The following PPARGC1A variants were observed in gnomAD, a reference collection of about 807,000 sequenced individuals.
PPARGC1A encodes the protein PPARG coactivator 1 alpha.
In PPARGC1A, 25 loss-of-function variants were observed where a neutral mutation model predicts 88.7. The observed-to-expected ratio is 0.28, with a 90% confidence interval of 0.21 to 0.39. The LOEUF (loss-of-function observed/expected upper bound fraction) is 0.39, where lower values mean the gene tolerates loss of function less well. Among genes scored for constraint, PPARGC1A ranks in the 10% least tolerant of loss-of-function variants. The pLI is 1.00. For synonymous variants in PPARGC1A, 363 were observed against 355.6 expected, an observed-to-expected ratio of 1.02 and a Z score of -0.24; for missense variants, 880 against 968.7, an observed-to-expected ratio of 0.91 and a Z score of 1.22.
the PPARGC1A span, among the ~76,000 whole-genome samples, chr4:24,396,305 T>A: frequency 5.0e-4 from 76 of 152,306 alleles, no homozygotes; most frequent in Middle Eastern, 3.4e-3. Flanking sequence ...GTTCAGTATA[T>A]GACTTACACA....
the PPARGC1A span, among the ~76,000 whole-genome samples, chr4:24,357,867 C>T: frequency 1.3e-5 from 2 of 152,178 alleles, no homozygotes; most frequent in African/African-American, 4.8e-5. Context: ...GAAGCCTCTC[C>T]AACCACATGG....
chr4:23,825,218 ACC>A (rs1723717998), intron 5 of PPARGC1A: 1 of 151,782 alleles, frequency 6.6e-6, no homozygotes, highest in Non-Finnish European at 1.5e-5. Flanking sequence ...GAATCTTCTC[ACC>A]CAAAATTTCA....
the PPARGC1A span, among the ~76,000 whole-genome samples, chr4:23,966,114 A>G: frequency 6.6e-6 from 1 of 152,186 alleles, no homozygotes; most frequent in Non-Finnish European, 1.5e-5. Context: ...CATAGCCCCA[A>G]TGTAAACAAT....
chr4:24,130,404 A>C, the PPARGC1A span, among the ~76,000 whole-genome samples: 11 of 152,186 alleles, frequency 7.2e-5, no homozygotes, highest in Non-Finnish European at 1.5e-4. Context: ...TTTAACAAAC[A>C]ATGTTCCCAT....
At chr4:23,858,347 C>A (rs1730584959) in intron 2 of PPARGC1A, among the ~76,000 whole-genome samples, 1 of 152,072 alleles carries the variant, frequency 6.6e-6, no homozygotes, top group South Asian at 2.1e-4. Context: ...GATAGGTGAT[C>A]AGTAAATGTT....
At chr4:24,190,305 G>C in the PPARGC1A span, among the ~76,000 whole-genome samples, 2 of 152,178 alleles carry the variant, frequency 1.3e-5, no homozygotes, top group Admixed American at 1.3e-4. Flanking sequence ...CATGAGGTCA[G>C]GAGATCGAGG....
chr4:23,883,218 T>C (rs1200062299), intron 2 of PPARGC1A: 1 of 152,178 alleles, frequency 6.6e-6, no homozygotes, highest in Admixed American at 6.6e-5. Flanking sequence ...CTCCACCTTG[T>C]TCTGTCTCCC....
chr4:24,255,922 A>G, the PPARGC1A span, among the ~76,000 whole-genome samples: 1 of 152,146 alleles, frequency 6.6e-6, no homozygotes, highest in East Asian at 1.9e-4. Context: ...ATACATGTAA[A>G]TCCTTGAGAA....
At chr4:24,165,642 C>G in the PPARGC1A span, among the ~76,000 whole-genome samples, 1 of 152,102 alleles carries the variant, frequency 6.6e-6, no homozygotes, top group East Asian at 1.9e-4. Flanking sequence ...GTATTTCAAG[C>G]TTTTTCATTA....
chr4:24,191,381 G>T, the PPARGC1A span, among the ~76,000 whole-genome samples: 208 of 152,290 alleles, frequency 1.4e-3, 2 homozygotes, highest in African/African-American at 4.2e-3. Context: ...GAGGCGATTC[G>T]CAAAAGGTTA....
the PPARGC1A span, among the ~76,000 whole-genome samples, chr4:24,258,429 C>T: frequency 6.6e-6 from 1 of 152,140 alleles, no homozygotes; most frequent in Non-Finnish European, 1.5e-5. Flanking sequence ...CTTGACTACC[C>T]ATCTTTCCCA....
At chr4:23,958,842 A>G in the PPARGC1A span, among the ~76,000 whole-genome samples, 2 of 152,170 alleles carry the variant, frequency 1.3e-5, no homozygotes, top group Non-Finnish European at 2.9e-5. Context: ...AAATGTTAGC[A>G]GCAATATATT....
chr4:24,127,375 C>A, the PPARGC1A span, among the ~76,000 whole-genome samples: 1 of 151,930 alleles, frequency 6.6e-6, no homozygotes, highest in Non-Finnish European at 1.5e-5. Flanking sequence ...GCCATAGTAT[C>A]AAGTTTTCTT....
chr4:23,795,876 G>A lies in PPARGC1A; in HGVS notation c.2343C>T (p.Asp781=), dbSNP rs758710585. 6 of 1,611,574 alleles carry A rather than the reference G, an allele frequency of 3.7e-6. No homozygotes were observed. The highest frequency in any genetic ancestry group is 1.7e-5 in the Admixed American group (1 of 59,510). The change falls in exon 13 of 13, where the codon GAC becomes GAT. Residue 781 remains aspartate (D), a synonymous_variant. Transcript: ENST00000264867. ...TCAGTAAACTATCAAAATCCAGAGA[G>A]TCATACTTGCTCTTGGTGGAAGCAG... The part of the protein sequence containing the change: ...FDPASTKSKY[D]SLDFDSLLKE...
At chr4:24,061,300 G>A in the PPARGC1A span, among the ~76,000 whole-genome samples, 1 of 152,120 alleles carries the variant, frequency 6.6e-6, no homozygotes, top group African/African-American at 2.4e-5. Context: ...AGTCAGTTTT[G>A]GCCTGATGAC....
chr4:24,051,187 CAA>C, the PPARGC1A span, among the ~76,000 whole-genome samples: 16 of 58,618 alleles, frequency 2.7e-4, no homozygotes, highest in African/African-American at 1.1e-3. Flanking sequence ...GACTCTGTCT[CAA>C]AAAAAAAAAA....
chr4:24,130,226 T>C, the PPARGC1A span, among the ~76,000 whole-genome samples: 14 of 152,200 alleles, frequency 9.2e-5, no homozygotes, highest in African/African-American at 3.4e-4. Flanking sequence ...TTACCTGCCT[T>C]GTGATCTAAT....
the PPARGC1A span, among the ~76,000 whole-genome samples, chr4:23,949,651 G>A: frequency 1.3e-5 from 2 of 152,068 alleles, no homozygotes; most frequent in Non-Finnish European, 2.9e-5. Context: ...CCAGGCCTCT[G>A]TAGACTTTGC....
chr4:24,171,581 C>T, the PPARGC1A span, among the ~76,000 whole-genome samples: 9 of 152,284 alleles, frequency 5.9e-5, 1 homozygote, highest in South Asian at 1.5e-3. Context: ...ACTCTTGGTT[C>T]ACTGCTGTTC....
Sources: allele counts gnomAD v4.1 joint callset (sites outside exome capture counted in the v4.1 genomes callset), GRCh38; gene constraint gnomAD v4.1.1; transcripts MANE v1.5; gene names NCBI Gene and HGNC (gene_info 2026-07-23, HGNC 2026-07-21).